Variants in GPR55 observed in about 807,000 individuals in gnomAD.
The protein encoded by GPR55 is G-protein coupled receptor 55.
In GPR55, 6 loss-of-function variants were observed where a neutral mutation model predicts 7.9. The ratio of observed to expected loss-of-function variants is 0.76; its 90% CI spans 0.41 to 1.49. The LOEUF is 1.49. GPR55 is among the 40% of genes most tolerant of loss of function. The probability of loss-of-function intolerance (pLI) is 0.01; values close to 1 mark genes in which losing one functional copy is unlikely to be tolerated. For missense variants in GPR55, 376 were observed against 406.0 expected (o/e 0.93, Z 0.63); for synonymous variants, 183 against 166.8 (o/e 1.10, Z -0.75).
chr2:230,930,808 C>T (rs1475571816), intron 1 of GPR55, among the ~76,000 whole-genome samples: 2 of 152,186 alleles, frequency 1.3e-5, no homozygotes, highest in South Asian at 2.1e-4. Flanking sequence ...TTAATTGTGT[C>T]GTTCGTCTCC....
rs543461314 is a variant in GPR55 at position 230,931,082 on chromosome 2, G to A, written c.-134-19986C>T. On this transcript the variant is annotated intron_variant, in intron 1 of 1. Transcript: ENST00000392039. ...CTCACACCCTATTCTCCTGCAAAAC[G>A]CTTTGTCCTGAGAGCCTTACCCCAC... Among the ~76,000 whole-genome samples, 17 of 152,192 alleles carry A rather than the reference G, an allele frequency of 1.1e-4. No homozygotes were observed. In the South Asian group the frequency reaches 2.7e-3, roughly 24 times the overall value.
Position 230,944,041 on chromosome 2 carries a change from C to T in GPR55, c.-135+16734G>A, listed in dbSNP as rs952296575. ...GGGGCCCTCGGGCTGTCCCTCTTCT[C>T]CCTGGCCCTAGCCCAGGAGGAGGAC... On this transcript the variant is annotated intron_variant, in intron 1 of 1. Transcript: ENST00000392039. This position sits in a 1 kb window ranked among gnomAD's most constrained non-coding sequence, Gnocchi z 4.2. Among the ~76,000 whole-genome samples the T allele has an allele frequency of 2.6e-5, 4 of 152,230 alleles. No individual in the cohort carries two copies. Among genetic ancestry groups the T allele is most frequent in the African/African-American group, 9.6e-5 (4 of 41,460 alleles).
At chr2:230,957,951 T>A in intron 1 of GPR55, 1 of 470,774 alleles carries the variant, frequency 2.1e-6, no homozygotes, top group South Asian at 1.7e-5. Context: ...ACAGCAGCAA[T>A]TGAACAATCT....
chr2:230,951,755 G>GT (rs1691407003), intron 1 of GPR55, among the ~76,000 whole-genome samples: 1 of 148,130 alleles, frequency 6.8e-6, no homozygotes, highest in African/African-American at 2.5e-5. Flanking sequence ...TTGTTATTGG[G>GT]GTTTTTTTTT....
At chr2:230,952,199 G>A (rs1039521038) in intron 1 of GPR55, among the ~76,000 whole-genome samples, 4 of 152,244 alleles carry the variant, frequency 2.6e-5, no homozygotes, top group Non-Finnish European at 4.4e-5. Flanking sequence ...ATAGGGACAG[G>A]GAAAGCCTGA....
upstream of GPR55, among the ~76,000 whole-genome samples, chr2:230,927,939 G>A (rs1690970847): frequency 6.6e-6 from 1 of 152,224 alleles, no homozygotes; most frequent in Admixed American, 6.5e-5. Flanking sequence ...TGTGCAAGAA[G>A]TGCTCCCAAG....
chr2:230,920,614 A>C (rs1690811604), intron 1 of GPR55, among the ~76,000 whole-genome samples: 1 of 152,174 alleles, frequency 6.6e-6, no homozygotes, highest in Non-Finnish European at 1.5e-5. Flanking sequence ...CTTCATAGTG[A>C]AGAGTAGGTG....
At chr2:230,955,973 C>T (rs1196845989) in intron 1 of GPR55, among the ~76,000 whole-genome samples, 1 of 152,092 alleles carries the variant, frequency 6.6e-6, no homozygotes, top group Admixed American at 6.5e-5. Context: ...GTGATCCTCC[C>T]TCCTCAGCCT....
intron 1 of GPR55, among the ~76,000 whole-genome samples, chr2:230,938,206 G>T (rs1287615532): frequency 6.7e-6 from 1 of 148,924 alleles, no homozygotes; most frequent in Non-Finnish European, 1.5e-5. Context: ...ATAATTGGGG[G>T]TTTGTGTAAA....
chr2:230,926,682 C>CTTTTTTTTTTTTTT (rs56318183), upstream of GPR55, among the ~76,000 whole-genome samples: 1 of 100,942 alleles, frequency 9.9e-6, no homozygotes, highest in African/African-American at 4.3e-5. Flanking sequence ...TGGCTACCTT[C>CTTTTTTTTTTTTTT]TTTTTTTTTT....
intron 1 of GPR55, among the ~76,000 whole-genome samples, chr2:230,955,879 ACCACATCTG>A (rs1230742931): frequency 2.0e-5 from 3 of 152,092 alleles, no homozygotes; most frequent in Non-Finnish European, 2.9e-5. Flanking sequence ...GGCGTGTGCC[ACCACATCTG>A]GCTAATTTTA....
chr2:230,936,236 C>G (rs1251621140), intron 1 of GPR55, among the ~76,000 whole-genome samples: 2 of 152,166 alleles, frequency 1.3e-5, no homozygotes, highest in East Asian at 3.8e-4. Flanking sequence ...ACCAAGAACA[C>G]TGGTATGGTT....
At chr2:230,930,954 G>T (rs766431721) in intron 1 of GPR55, among the ~76,000 whole-genome samples, 4 of 152,002 alleles carry the variant, frequency 2.6e-5, no homozygotes, top group Non-Finnish European at 5.9e-5. Flanking sequence ...GGGGTGGAAG[G>T]TAAAAAAATC....
intron 1 of GPR55, among the ~76,000 whole-genome samples, chr2:230,956,875 A>G (rs1482364836): frequency 6.6e-6 from 1 of 150,896 alleles, no homozygotes; most frequent in Non-Finnish European, 1.5e-5. Flanking sequence ...CTATTCTGGA[A>G]TCTCTATTTG....
Position 230,944,594 on chromosome 2 carries a change from G to A in GPR55, c.-135+16181C>T, listed in dbSNP as rs1482752472. Among the ~76,000 whole-genome samples, 3 of 152,202 alleles carry A rather than the reference G, an allele frequency of 2.0e-5. No individual in the cohort carries two copies. Among genetic ancestry groups the A allele is most frequent in the African/African-American group, 4.8e-5 (2 of 41,436 alleles). ...AGCCCCCGGAGAATGACTCAACAGT[G>A]ACGTCCTACAGCATGATTTGCTTTA... is the stretch of plus-strand genomic sequence containing the variant. On this transcript the variant is annotated intron_variant, in intron 1 of 1. Transcript: ENST00000392039. The surrounding 1 kb of genome is among the most constrained non-coding windows in gnomAD (Gnocchi z 4.2).
chr2:230,945,051 C>T (rs1231947630), intron 1 of GPR55, among the ~76,000 whole-genome samples: 1 of 152,218 alleles, frequency 6.6e-6, no homozygotes, highest in Non-Finnish European at 1.5e-5. Context: ...TCCTTCCTCC[C>T]ACCAGCCTCT....
intron 1 of GPR55, chr2:230,958,095 G>T: frequency 3.9e-6 from 1 of 256,052 alleles, no homozygotes; most frequent in Non-Finnish European, 7.9e-6. Context: ...AAGAAAGGAA[G>T]AAAATTTTTG....
chr2:230,922,991 C>T (rs1483395876), intron 1 of GPR55, among the ~76,000 whole-genome samples: 2 of 152,170 alleles, frequency 1.3e-5, no homozygotes, highest in Non-Finnish European at 2.9e-5. Context: ...GGCGTGAGCC[C>T]GAGCACCCGG....
intron 1 of GPR55, among the ~76,000 whole-genome samples, chr2:230,933,800 G>C (rs1691091592): frequency 6.6e-6 from 1 of 152,216 alleles, no homozygotes; most frequent in African/African-American, 2.4e-5. Flanking sequence ...CTGCCTGGGT[G>C]GGGGCAGTGA....
Sources: allele counts gnomAD v4.1 joint callset (sites outside exome capture counted in the v4.1 genomes callset), GRCh38; gene constraint gnomAD v4.1.1; non-coding constraint Gnocchi (gnomAD v3.1); transcripts MANE v1.5; gene names NCBI Gene and HGNC (gene_info 2026-07-23, HGNC 2026-07-21).